The following ADGRL2 variants were observed in gnomAD, a reference collection of about 807,000 sequenced individuals.
ADGRL2 encodes calcium-independent alpha-latrotoxin receptor 2.
In ADGRL2, 44 loss-of-function variants were observed where a neutral mutation model predicts 157.4. The observed-to-expected ratio is 0.28, with a 90% CI of 0.22 to 0.36. The LOEUF (loss-of-function observed/expected upper bound fraction) is 0.36, where lower values mean the gene tolerates loss of function less well. Among genes scored for constraint, ADGRL2 ranks in the 10% least tolerant of loss-of-function variants. The probability of loss-of-function intolerance (pLI) is 1.00; values close to 1 mark genes in which losing one functional copy is unlikely to be tolerated. For synonymous variants in ADGRL2, 585 were observed against 624.7 expected (o/e 0.94, Z 0.95); for missense variants, 1,510 against 1,768.9 (o/e 0.85, Z 2.63).
chr1:81,825,352 A>G (rs113787263), intron 1 of ADGRL2, among the ~76,000 whole-genome samples: 3 of 151,994 alleles, frequency 2.0e-5, no homozygotes, highest in African/African-American at 7.2e-5. Context: ...GCAGAGCAAG[A>G]CGCTCTCTTT....
intron 3 of ADGRL2, among the ~76,000 whole-genome samples, chr1:81,918,283 TA>T (rs2094905011): frequency 6.6e-6 from 1 of 152,158 alleles, no homozygotes; most frequent in Non-Finnish European, 1.5e-5. Context: ...TATTGCAATT[TA>T]AATATGTCCT....
intron 1 of ADGRL2, chr1:81,414,074 G>A (rs1453633705): frequency 1.3e-5 from 2 of 152,188 alleles, no homozygotes; most frequent in African/African-American, 4.8e-5. Flanking sequence ...GGTTACCAAA[G>A]CATTCTTTAC....
Position 81,337,746 on chromosome 1 carries a change from G to A in ADGRL2, c.-302+31237G>A, listed in dbSNP as rs538109302. ...AACCAAAAAATTGCTAAAGAGAGTTGCCATTTATCTTACACCCTGGCAGAC... is the reference window on the plus strand; with the variant it reads ...AACCAAAAAATTGCTAAAGAGAGTTACCATTTATCTTACACCCTGGCAGAC... On this transcript the variant is annotated intron_variant, in intron 1 of 24. Transcript: ENST00000370721. 1.7e-4 allele frequency among the ~76,000 whole-genome samples: 26 copies of A among 152,174 alleles called. No individual in the cohort carries two copies. In the South Asian group the frequency reaches 5.2e-3, roughly 30 times the overall value.
intron 1 of ADGRL2, among the ~76,000 whole-genome samples, chr1:81,364,450 G>T (rs2076029524): frequency 6.6e-6 from 1 of 152,118 alleles, no homozygotes; most frequent in South Asian, 2.1e-4. Flanking sequence ...AATTGGGTAG[G>T]TACGGAAGGT....
At chr1:81,746,133 C>A (rs984239453) in intron 1 of ADGRL2, among the ~76,000 whole-genome samples, 1 of 151,870 alleles carries the variant, frequency 6.6e-6, no homozygotes, top group African/African-American at 2.4e-5. Flanking sequence ...ATTTTTATTT[C>A]TAATATAATT....
At chr1:81,941,178 T>C (rs1179684030) in intron 4 of ADGRL2, among the ~76,000 whole-genome samples, 2 of 86,600 alleles carry the variant, frequency 2.3e-5, no homozygotes, top group African/African-American at 1.1e-4. Flanking sequence ...TGTATTTTGC[T>C]TACTTTTTTT....
intron 3 of ADGRL2, among the ~76,000 whole-genome samples, chr1:81,602,869 G>A (rs2081360460): frequency 6.9e-6 from 1 of 145,932 alleles, no homozygotes; most frequent in Non-Finnish European, 1.5e-5. Flanking sequence ...CTGCACTCCA[G>A]CCTGGGCAAC....
intron 3 of ADGRL2, among the ~76,000 whole-genome samples, chr1:81,592,435 T>A (rs2081150605): frequency 6.6e-6 from 1 of 152,178 alleles, no homozygotes; most frequent in African/African-American, 2.4e-5. Flanking sequence ...TCTTAACAAT[T>A]TCCCTGCTAT....
intron 3 of ADGRL2, among the ~76,000 whole-genome samples, chr1:81,660,960 C>G (rs917357514): frequency 6.6e-6 from 1 of 152,148 alleles, no homozygotes; most frequent in Non-Finnish European, 1.5e-5. Flanking sequence ...GGAAGGATTT[C>G]TGAAATCGTT....
chr1:81,393,248 T>G (rs950743640), intron 1 of ADGRL2, among the ~76,000 whole-genome samples: 4 of 152,030 alleles, frequency 2.6e-5, no homozygotes, highest in African/African-American at 9.7e-5. Context: ...GCAAGCGATA[T>G]TTAAACATCC....
At chr1:81,908,064 A>C (rs2094623585) in intron 3 of ADGRL2, among the ~76,000 whole-genome samples, 1 of 152,192 alleles carries the variant, frequency 6.6e-6, no homozygotes, top group South Asian at 2.1e-4. Context: ...ATGTACAGAC[A>C]CTTAACATTG....
intron 2 of ADGRL2, among the ~76,000 whole-genome samples, chr1:81,768,576 C>G (rs559334392): frequency 6.6e-5 from 10 of 151,578 alleles, no homozygotes; most frequent in African/African-American, 2.4e-4. Context: ...AGGGCTCAAG[C>G]AATCCTCTGG....
chr1:81,951,988 C>A lies in ADGRL2; in HGVS notation c.1640C>A (p.Ala547Asp). Residue 547 changes from alanine to aspartate, a missense_variant, in exon 9 of 24, where the codon GCC becomes GAC. Transcript: ENST00000686636. ...AGCGGAGAAAATGCTGCTAGTCTTG[C>A]CAATGAACTGGCTAAACATACCAAA... Reference protein sequence around the residue: ...IRSGENAASLANELAKHTKGP... With the variant: ...IRSGENAASLDNELAKHTKGP... 1 of 1,609,300 alleles carries A rather than the reference C, an allele frequency of 6.2e-7. No homozygotes were observed. The highest frequency in any genetic ancestry group is 8.5e-7 in the Non-Finnish European group (1 of 1,177,292).
chr1:81,457,023 T>C (rs1004322856), intron 2 of ADGRL2, among the ~76,000 whole-genome samples: 1 of 152,206 alleles, frequency 6.6e-6, no homozygotes, highest in African/African-American at 2.4e-5. Flanking sequence ...ATTCAAATTT[T>C]ATTTATCCTT....
chr1:81,832,214 T>C (rs35520599), intron 1 of ADGRL2, among the ~76,000 whole-genome samples: 21,359 of 152,216 alleles, frequency 0.14, 1,666 homozygotes, highest in East Asian at 0.19. Flanking sequence ...CGATCTCGGC[T>C]CACTGCAACC....
intron 2 of ADGRL2, among the ~76,000 whole-genome samples, chr1:81,537,217 C>A (rs558710325): frequency 1.3e-5 from 2 of 152,144 alleles, no homozygotes; most frequent in Non-Finnish European, 2.9e-5. Context: ...ATACCAGAAA[C>A]ACATACATCT....
chr1:81,950,370 T>G lies in ADGRL2; in HGVS notation c.1392T>G (p.Asn464Lys). Residue 464 changes from asparagine (N) to lysine (K), a missense_variant, in exon 7 of 24, where the codon AAT becomes AAG. Physicochemically the swap from Asn to Lys is moderately conservative, Grantham distance 94. Transcript: ENST00000686636. ...CAACCAAAATTCCACCTATAACAAA[T>G]ATTTTTCCCCTGCCAGAGAGATTCT... ...VSTTKIPPIT[N>K]IFPLPERFCE... The G allele has an allele frequency of 6.2e-7, 1 of 1,613,956 alleles. No individual in the cohort carries two copies. Among genetic ancestry groups the G allele is most frequent in the Non-Finnish European group, 8.5e-7 (1 of 1,179,930 alleles).
chr1:81,972,127 C>G (rs1658935632), intron 17 of ADGRL2, among the ~76,000 whole-genome samples: 1 of 151,896 alleles, frequency 6.6e-6, no homozygotes, highest in Non-Finnish European at 1.5e-5. Flanking sequence ...AGTACTTTTT[C>G]TCATTTCTAA....
At chr1:81,736,870 T>C (rs2084917504) in intron 1 of ADGRL2, among the ~76,000 whole-genome samples, 1 of 152,170 alleles carries the variant, frequency 6.6e-6, no homozygotes, top group South Asian at 2.1e-4. Context: ...AGTCTCACTC[T>C]GTTGTCCAGG....
Sources: gnomAD v4.1 joint callset for allele counts (sites outside exome capture counted in the v4.1 genomes callset) on GRCh38, gnomAD v4.1.1 for gene constraint, MANE v1.5 for transcripts, NCBI Gene and HGNC (gene_info 2026-07-23, HGNC 2026-07-21) for gene names.